MARCHF3: variants seen among roughly 807,000 people sequenced by gnomAD.
MARCHF3 encodes the protein E3 ubiquitin-protein ligase MARCHF3.
A neutral mutation model predicts 24.2 loss-of-function variants in MARCHF3; 13 were observed. The ratio of observed to expected loss-of-function variants is 0.54; its 90% CI spans 0.35 to 0.85. The LOEUF (loss-of-function observed/expected upper bound fraction) is 0.85, where lower values mean the gene tolerates loss of function less well. Among genes scored for constraint, MARCHF3 ranks in the 40% least tolerant of loss-of-function variants. The pLI, the probability that MARCHF3 is intolerant of heterozygous loss-of-function variation, is 0.01. For missense variants in MARCHF3, 276 were observed against 325.0 expected, an observed-to-expected ratio of 0.85 and a Z score of 1.16; for synonymous variants, 144 against 137.3, an observed-to-expected ratio of 1.05 and a Z score of -0.34.
At chr5:126,964,783 G>A (rs1273165522) in intron 1 of MARCHF3, among the ~76,000 whole-genome samples, 3 of 152,180 alleles carry the variant, frequency 2.0e-5, no homozygotes, top group Admixed American at 2.0e-4. Flanking sequence ...GTTTCAGTGT[G>A]AGACCAGCTG....
chr5:126,973,379 G>C (rs1326222994), intron 1 of MARCHF3, among the ~76,000 whole-genome samples: 1 of 152,216 alleles, frequency 6.6e-6, no homozygotes, highest in Non-Finnish European at 1.5e-5. Flanking sequence ...GCAGTTTGTG[G>C]AGGTCCGAGC....
chr5:127,007,116 A>G (rs1240698819), intron 1 of MARCHF3, among the ~76,000 whole-genome samples: 1 of 152,168 alleles, frequency 6.6e-6, no homozygotes, highest in East Asian at 1.9e-4. Flanking sequence ...TAGATCTAAC[A>G]TCTTCCAAAT....
chr5:127,024,938 C>T (rs1039248618), intron 1 of MARCHF3, among the ~76,000 whole-genome samples: 6 of 152,158 alleles, frequency 3.9e-5, no homozygotes, highest in South Asian at 2.1e-4. Context: ...TGGATGGCTA[C>T]GCATTGCAAA....
At chr5:126,878,067 C>T (rs1041026574) in intron 4 of MARCHF3, 118 bp downstream of exon 4, 10 of 931,914 alleles carry the variant, frequency 1.1e-5, no homozygotes, top group South Asian at 1.6e-5. Context: ...CGCCAGCAAT[C>T]GAAGGTCTGT....
At chr5:126,978,514 C>G (rs1172431914) in intron 1 of MARCHF3, among the ~76,000 whole-genome samples, 2 of 152,134 alleles carry the variant, frequency 1.3e-5, no homozygotes, top group African/African-American at 4.8e-5. Context: ...GTGAAAGGAT[C>G]ACAGGAGAGA....
intron 1 of MARCHF3, among the ~76,000 whole-genome samples, chr5:126,960,348 T>C (rs975769849): frequency 5.9e-5 from 9 of 152,158 alleles, no homozygotes; most frequent in Admixed American, 2.6e-4. Context: ...AAATCATGAA[T>C]AAAGATTAGT....
intron 1 of MARCHF3, among the ~76,000 whole-genome samples, chr5:126,950,772 T>A (rs1032542860): frequency 6.6e-6 from 1 of 152,238 alleles, no homozygotes; most frequent in African/African-American, 2.4e-5. Context: ...AGATTTTCTA[T>A]AACTATCACC....
chr5:126,872,105 G>A (rs571767581), intron 4 of MARCHF3, among the ~76,000 whole-genome samples: 2 of 126,268 alleles, frequency 1.6e-5, no homozygotes, highest in African/African-American at 3.0e-5. Context: ...TTGAGACAGA[G>A]TTTTGCTCTT....
At chr5:126,879,331 A>G (rs762725329) in intron 3 of MARCHF3, among the ~76,000 whole-genome samples, 16 of 152,152 alleles carry the variant, frequency 1.1e-4, no homozygotes, top group Non-Finnish European at 1.9e-4. Context: ...GAGTACTTTT[A>G]GTGAATAATT....
At chr5:126,941,655 C>T (rs1354452919) in intron 1 of MARCHF3, among the ~76,000 whole-genome samples, 2 of 152,194 alleles carry the variant, frequency 1.3e-5, no homozygotes, top group Admixed American at 1.3e-4. Context: ...GAAGCAGTTA[C>T]ATTTGGGTCT....
At chr5:126,969,326 G>T (rs1176622240) in intron 1 of MARCHF3, among the ~76,000 whole-genome samples, 1 of 152,044 alleles carries the variant, frequency 6.6e-6, no homozygotes, top group East Asian at 1.9e-4. Context: ...AGGGTTTTTT[G>T]CTCTTTTGCA....
intron 1 of MARCHF3, among the ~76,000 whole-genome samples, chr5:126,945,933 T>G (rs574745798): frequency 6.6e-6 from 1 of 152,182 alleles, no homozygotes; most frequent in African/African-American, 2.4e-5. Context: ...ACAGAGCAGA[T>G]GTACACATTC....
Position 126,974,454 on chromosome 5 carries a change from T to G in MARCHF3, c.-57+55896A>C, listed in dbSNP as rs530952241. Among the ~76,000 whole-genome samples the G allele has an allele frequency of 3.9e-5, 6 of 152,356 alleles. No homozygotes were observed. In the South Asian group the frequency reaches 6.2e-4, roughly 16 times the overall value. The stretch of plus-strand genomic sequence containing the variant: ...GAGCCCTCTGCTCTTCTCCTCCATA[T>G]TTTTCACTGTTGCTCTCTGGGTAAT... On this transcript the variant is annotated intron_variant, in intron 1 of 4. Transcript: ENST00000308660.
Position 126,918,016 on chromosome 5 carries a change from C to T in MARCHF3, c.156G>A (p.Leu52=), listed in dbSNP as rs1212972521. The part of the protein sequence containing the change: ...MQVSAKDGQL[L]STVVRTLATQ... ...TGGCAAGAGTCCGCACTACTGTTGA[C>T]AGCAGCTGCCCGTCCTTGGCTGAAA... The change falls in exon 2 of 5, where the codon CTG becomes CTA. Residue 52 remains leucine (L), a synonymous_variant. Coordinates refer to ENST00000308660, the MANE Select transcript of MARCHF3 (RefSeq NM_178450.5). 2 of 1,614,144 alleles carry T rather than the reference C, an allele frequency of 1.2e-6. No homozygotes were observed. Among genetic ancestry groups the T allele is most frequent in the Non-Finnish European group, 1.7e-6 (2 of 1,180,012 alleles).
At chr5:126,881,725 G>A (rs1753348937) in intron 3 of MARCHF3, among the ~76,000 whole-genome samples, 1 of 151,992 alleles carries the variant, frequency 6.6e-6, no homozygotes, top group African/African-American at 2.4e-5. Flanking sequence ...CAAAATAATA[G>A]CTATTCTTGG....
chr5:126,910,213 C>A (rs990327269), intron 3 of MARCHF3, among the ~76,000 whole-genome samples: 5 of 152,216 alleles, frequency 3.3e-5, no homozygotes, highest in Non-Finnish European at 1.5e-5. Flanking sequence ...TGACCTATAA[C>A]TTCACGAGTT....
At chr5:126,979,921 C>A (rs1178238964) in intron 1 of MARCHF3, among the ~76,000 whole-genome samples, 2 of 136,544 alleles carry the variant, frequency 1.5e-5, no homozygotes, top group East Asian at 4.4e-4. Flanking sequence ...GCACTCCAGC[C>A]TGGGCAACAA....
At chr5:126,942,275 A>T (rs941376768) in intron 1 of MARCHF3, among the ~76,000 whole-genome samples, 2 of 152,256 alleles carry the variant, frequency 1.3e-5, no homozygotes, top group Admixed American at 1.3e-4. Flanking sequence ...GCCAGATAGT[A>T]AATATTTTAG....
At chr5:127,009,805 GC>G (rs1439738057) in intron 1 of MARCHF3, among the ~76,000 whole-genome samples, 1 of 152,148 alleles carries the variant, frequency 6.6e-6, no homozygotes, top group Admixed American at 6.5e-5. Context: ...GCTCTTCCAT[GC>G]AACACAGGTA....
Sources: gnomAD v4.1 joint callset for allele counts (sites outside exome capture counted in the v4.1 genomes callset) on GRCh38, gnomAD v4.1.1 for gene constraint, MANE v1.5 for transcripts, NCBI Gene and HGNC (gene_info 2026-07-23, HGNC 2026-07-21) for gene names.